The following VTI1A variants were observed in gnomAD, a reference collection of about 807,000 sequenced individuals.
VTI1A encodes vesicle transport through interaction with t-SNAREs 1A, also known as vesicle transport through interaction with t-SNAREs homolog 1A.
In VTI1A, 22 loss-of-function variants were observed where a neutral mutation model predicts 34.9. That is an observed-to-expected ratio of 0.63 (90% CI 0.45 to 0.90). The LOEUF (loss-of-function observed/expected upper bound fraction) is 0.90, where lower values mean the gene tolerates loss of function less well. Among genes scored for constraint, VTI1A ranks in the 40% least tolerant of loss-of-function variants. The pLI is 0.00. For missense variants in VTI1A, 268 were observed against 275.6 expected, an observed-to-expected ratio of 0.97 and a Z score of 0.20; for synonymous variants, 87 against 97.3, an observed-to-expected ratio of 0.89 and a Z score of 0.62.
intron 7 of VTI1A, among the ~76,000 whole-genome samples, chr10:112,680,651 A>G (rs1283146085): frequency 2.0e-5 from 3 of 152,246 alleles, no homozygotes; most frequent in Non-Finnish European, 4.4e-5. Flanking sequence ...TTTTGTTGTG[A>G]CATTTTAAGA....
At chr10:112,548,736 G>C in intron 5 of VTI1A, 1 of 1,412,864 alleles carries the variant, frequency 7.1e-7, no homozygotes, top group Non-Finnish European at 9.8e-7. Context: ...CTCATATCAC[G>C]AAGGGACCCA....
At chr10:112,674,877 T>G (rs1847973867) in intron 7 of VTI1A, among the ~76,000 whole-genome samples, 1 of 152,184 alleles carries the variant, frequency 6.6e-6, no homozygotes, top group Non-Finnish European at 1.5e-5. Context: ...CAGTTTTCAC[T>G]AGTGGTAAAA....
At chr10:112,503,975 T>C (rs952614795) in intron 3 of VTI1A, among the ~76,000 whole-genome samples, 8 of 152,176 alleles carry the variant, frequency 5.3e-5, no homozygotes, top group Non-Finnish European at 1.2e-4. Flanking sequence ...GGATTCCTTC[T>C]TTTTCCCTTG....
At chr10:112,618,233 C>G (rs767481541) in intron 5 of VTI1A, among the ~76,000 whole-genome samples, 8 of 151,714 alleles carry the variant, frequency 5.3e-5, no homozygotes, top group Non-Finnish European at 1.2e-4. Flanking sequence ...TTTCTCTGAG[C>G]CTGTTTCTCA....
chr10:112,712,267 C>G (rs1194387520), intron 7 of VTI1A, among the ~76,000 whole-genome samples: 1 of 152,118 alleles, frequency 6.6e-6, no homozygotes, highest in Non-Finnish European at 1.5e-5. Flanking sequence ...TCTTGCAAAT[C>G]TCTTTTTATT....
At chr10:112,597,933 A>G (rs367875593) in intron 5 of VTI1A, among the ~76,000 whole-genome samples, 1 of 148,714 alleles carries the variant, frequency 6.7e-6, no homozygotes, top group Non-Finnish European at 1.5e-5. Context: ...TCCTGACCTC[A>G]TGATCCGCCC....
chr10:112,820,497 CATA>C (rs1216493343), downstream of VTI1A, among the ~76,000 whole-genome samples: 1 of 152,252 alleles, frequency 6.6e-6, no homozygotes, highest in Non-Finnish European at 1.5e-5. Flanking sequence ...AGGCTGGCCA[CATA>C]ATGTCAGCAG....
At chr10:112,579,181 A>G (rs1415148486) in intron 5 of VTI1A, among the ~76,000 whole-genome samples, 1 of 152,204 alleles carries the variant, frequency 6.6e-6, no homozygotes, top group African/African-American at 2.4e-5. Flanking sequence ...CTGTAAGTTG[A>G]AAAGTGAATC....
rs553987081 is a variant in VTI1A at position 112,753,924 on chromosome 10, A to G, written c.561-61366A>G. Among the ~76,000 whole-genome samples the G allele has an allele frequency of 2.2e-3, 335 of 152,318 alleles. 1 individual carries two copies. Among genetic ancestry groups the G allele is most frequent in the Non-Finnish European group, 3.2e-3 (215 of 68,028 alleles). On this transcript the variant is annotated intron_variant, in intron 7 of 7. Coordinates refer to ENST00000393077, the MANE Select transcript of VTI1A (RefSeq NM_145206.4). ...AGAATTTCCAAGCATCCTTTCCACC[A>G]TCAAGTCTAAAACTGTAAGAAGAAG...
At position 112,693,639 on chromosome 10, in the gene VTI1A, A is replaced by T. The variant is rs192566605; in HGVS notation, c.560+24641A>T. Among the ~76,000 whole-genome samples the T allele has an allele frequency of 2.1e-3, 321 of 152,362 alleles. 1 individual carries two copies. The highest frequency in any genetic ancestry group is 7.5e-3 in the African/African-American group (311 of 41,592). On this transcript the variant is annotated intron_variant, in intron 7 of 7. Coordinates refer to ENST00000393077, the MANE Select transcript of VTI1A (RefSeq NM_145206.4). The stretch of plus-strand genomic sequence containing the variant: ...ACCATGTAAAATGTAAAGATCTTGA[A>T]GAACTCTAACTTCCGAGTTGAAAAT...
At chr10:112,481,846 C>T (rs1208833773) in intron 3 of VTI1A, among the ~76,000 whole-genome samples, 3 of 152,186 alleles carry the variant, frequency 2.0e-5, no homozygotes, top group African/African-American at 7.2e-5. Flanking sequence ...AGAAAATCTG[C>T]TTGGTTCCAA....
At chr10:112,830,948 C>G in the VTI1A span, among the ~76,000 whole-genome samples, 1 of 149,034 alleles carries the variant, frequency 6.7e-6, no homozygotes, top group Non-Finnish European at 1.5e-5. Context: ...CCCCCAGGCT[C>G]AGGTGATCCT....
intron 3 of VTI1A, among the ~76,000 whole-genome samples, chr10:112,481,581 C>T (rs1848457948): frequency 6.6e-6 from 1 of 152,142 alleles, no homozygotes; most frequent in African/African-American, 2.4e-5. Flanking sequence ...GTAGGAGACA[C>T]TATATATGTC....
chr10:112,748,652 G>A (rs1210242610), intron 7 of VTI1A, among the ~76,000 whole-genome samples: 1 of 125,678 alleles, frequency 8.0e-6, no homozygotes, highest in African/African-American at 3.1e-5. Context: ...TTGAGACGGA[G>A]TCTCGCTCTG....
intron 7 of VTI1A, among the ~76,000 whole-genome samples, chr10:112,686,436 C>T (rs1411769231): frequency 3.3e-5 from 5 of 152,020 alleles, no homozygotes; most frequent in African/African-American, 1.2e-4. Flanking sequence ...TTAAAATTGC[C>T]CTAGATAAGG....
At chr10:112,546,113 CGTGT>C (rs929423471) in intron 5 of VTI1A, among the ~76,000 whole-genome samples, 3 of 135,024 alleles carry the variant, frequency 2.2e-5, no homozygotes, top group Admixed American at 7.4e-5. Flanking sequence ...CGTGTATACA[CGTGT>C]GTGTGTATTT....
the VTI1A span, among the ~76,000 whole-genome samples, chr10:112,841,796 G>A: frequency 1.3e-5 from 2 of 152,166 alleles, no homozygotes; most frequent in African/African-American, 2.4e-5. Flanking sequence ...CCACTGAGTA[G>A]GGTGTAGTTT....
At chr10:112,682,078 A>C (rs942587348) in intron 7 of VTI1A, among the ~76,000 whole-genome samples, 1 of 152,200 alleles carries the variant, frequency 6.6e-6, no homozygotes, top group Non-Finnish European at 1.5e-5. Context: ...TTCAAGGCCA[A>C]GCTATTTATA....
At chr10:112,617,761 A>G (rs1310783768) in intron 5 of VTI1A, among the ~76,000 whole-genome samples, 1 of 152,222 alleles carries the variant, frequency 6.6e-6, no homozygotes, top group Non-Finnish European at 1.5e-5. Flanking sequence ...CTTTACAAAA[A>G]TCACTTGTAT....
Sources: allele counts gnomAD v4.1 joint callset (sites outside exome capture counted in the v4.1 genomes callset), GRCh38; gene constraint gnomAD v4.1.1; transcripts MANE v1.5; gene names NCBI Gene and HGNC (gene_info 2026-07-23, HGNC 2026-07-21).